SH3GL2: variants seen among roughly 807,000 people sequenced by gnomAD.
SH3GL2 encodes the protein endophilin-A1.
A neutral mutation model predicts 46.0 loss-of-function variants in SH3GL2; 24 were observed. The ratio of observed to expected loss-of-function variants is 0.52; its 90% CI spans 0.38 to 0.73. SH3GL2 has a LOEUF of 0.73. Among genes scored for constraint, SH3GL2 ranks in the 30% least tolerant of loss-of-function variants. The pLI is 0.00. For synonymous variants in SH3GL2, 196 were observed against 147.1 expected (o/e 1.33, Z -2.40); for missense variants, 413 against 424.2 (o/e 0.97, Z 0.23).
In SH3GL2 at chr9:17,638,227, G is replaced by T. The variant is rs147792059; in HGVS notation, c.45+58940G>T. Among the ~76,000 whole-genome samples, 613 of 151,884 alleles carry T rather than the reference G, an allele frequency of 4.0e-3. 2 individuals are homozygous for T. Among genetic ancestry groups the T allele is most frequent in the African/African-American group, 0.014 (590 of 41,436 alleles). ...GATGTTTTGCAAGATATCCTAGAGG[G>T]GCCCTTAAAAATTTATCATTTCTCA... On this transcript the variant is annotated intron_variant, in intron 1 of 8. Transcript: ENST00000380607.
chr9:17,788,516 C>G lies in SH3GL2; in HGVS notation c.466-876C>G, dbSNP rs184187544. On this transcript the variant is annotated intron_variant, in intron 5 of 8. Transcript: ENST00000380607. ...TACATACTAGTAACAAGGGAAAATC[C>G]AGGATTTTCCTTCATCCATTAGTAG... Among the ~76,000 whole-genome samples, 485 of 152,072 alleles carry G rather than the reference C, an allele frequency of 3.2e-3. 1 individual carries two copies. Among genetic ancestry groups the G allele is most frequent in the Admixed American group, 7.0e-3 (107 of 15,274 alleles).
At chr9:17,612,638 A>G (rs1379458713) in intron 1 of SH3GL2, among the ~76,000 whole-genome samples, 1 of 152,152 alleles carries the variant, frequency 6.6e-6, no homozygotes, top group Non-Finnish European at 1.5e-5. Flanking sequence ...GTGTGTTCTC[A>G]TTTTACTTGA....
chr9:17,659,373 TC>T (rs1820160795), intron 1 of SH3GL2, among the ~76,000 whole-genome samples: 4 of 152,164 alleles, frequency 2.6e-5, no homozygotes, highest in Non-Finnish European at 5.9e-5. Context: ...GCAGAGCCAT[TC>T]CTGAGAATGG....
chr9:17,791,814 C>T (rs1228091603), intron 7 of SH3GL2, among the ~76,000 whole-genome samples: 1 of 152,186 alleles, frequency 6.6e-6, no homozygotes, highest in Non-Finnish European at 1.5e-5. Flanking sequence ...GAGGCTGTTT[C>T]TTTTCACATC....
intron 2 of SH3GL2, among the ~76,000 whole-genome samples, chr9:17,751,470 T>TTGTTTGTGCGTGTGTGTG (rs1433444435): frequency 1.5e-3 from 196 of 133,008 alleles, no homozygotes; most frequent in African/African-American, 5.1e-3. Context: ...GTGTGTGTTT[T>TTGTTTGTGCGTGTGTGTG]TGTGTGTGCG....
At chr9:17,767,878 T>C (rs570926578) in intron 3 of SH3GL2, among the ~76,000 whole-genome samples, 1 of 152,318 alleles carries the variant, frequency 6.6e-6, no homozygotes, top group Admixed American at 6.5e-5. Context: ...ATGGGTGATA[T>C]AATTCATATA....
At chr9:17,679,059 G>C (rs1322059039) in intron 1 of SH3GL2, among the ~76,000 whole-genome samples, 1 of 152,108 alleles carries the variant, frequency 6.6e-6, no homozygotes, top group Non-Finnish European at 1.5e-5. Flanking sequence ...TTGAAGTCAG[G>C]TAGTGTGATG....
chr9:17,620,097 C>T (rs942506909), intron 1 of SH3GL2, among the ~76,000 whole-genome samples: 9 of 151,960 alleles, frequency 5.9e-5, no homozygotes, highest in African/African-American at 2.2e-4. Flanking sequence ...TCAAAAAATT[C>T]AATTTTAGAG....
At chr9:17,586,360 C>G (rs917915197) in intron 1 of SH3GL2, among the ~76,000 whole-genome samples, 1 of 152,108 alleles carries the variant, frequency 6.6e-6, no homozygotes, top group Non-Finnish European at 1.5e-5. Flanking sequence ...GCAGTGTTTT[C>G]TGCCTTTTTT....
chr9:17,606,136 A>C (rs1235807049), intron 1 of SH3GL2, among the ~76,000 whole-genome samples: 2 of 152,052 alleles, frequency 1.3e-5, no homozygotes, highest in Non-Finnish European at 2.9e-5. Flanking sequence ...TCTGTTGCCC[A>C]GGCTGGAGTG....
At chr9:17,710,732 TCCTA>T (rs1219468996) in intron 1 of SH3GL2, among the ~76,000 whole-genome samples, 4 of 151,902 alleles carry the variant, frequency 2.6e-5, no homozygotes, top group Non-Finnish European at 5.9e-5. Flanking sequence ...TTTTGACATA[TCCTA>T]CAATAGGGAT....
chr9:17,740,897 T>C (rs1302712942), intron 1 of SH3GL2, among the ~76,000 whole-genome samples: 1 of 152,118 alleles, frequency 6.6e-6, no homozygotes, highest in Non-Finnish European at 1.5e-5. Flanking sequence ...GGTGAAGAAA[T>C]TGAGGCAGCA....
intron 1 of SH3GL2, among the ~76,000 whole-genome samples, chr9:17,733,895 C>G (rs1822253197): frequency 6.6e-6 from 1 of 151,866 alleles, no homozygotes; most frequent in African/African-American, 2.4e-5. Flanking sequence ...ACTGCATATT[C>G]TCACTGATAG....
At chr9:17,710,197 T>C (rs1363717619) in intron 1 of SH3GL2, among the ~76,000 whole-genome samples, 1 of 151,968 alleles carries the variant, frequency 6.6e-6, no homozygotes, top group Non-Finnish European at 1.5e-5. Flanking sequence ...AAAAGAGGCT[T>C]TCCTCCCTTT....
At chr9:17,693,295 A>C (rs1821127538) in intron 1 of SH3GL2, among the ~76,000 whole-genome samples, 1 of 152,060 alleles carries the variant, frequency 6.6e-6, no homozygotes, top group South Asian at 2.1e-4. Context: ...CTCCAGTGGC[A>C]AGTACTTGAG....
At chr9:17,678,419 T>G (rs901019466) in intron 1 of SH3GL2, among the ~76,000 whole-genome samples, 1 of 152,354 alleles carries the variant, frequency 6.6e-6, no homozygotes, top group African/African-American at 2.4e-5. Flanking sequence ...GTTTTTTGGC[T>G]GCATAAATGT....
At chr9:17,630,697 T>G (rs1475370828) in intron 1 of SH3GL2, among the ~76,000 whole-genome samples, 1 of 152,214 alleles carries the variant, frequency 6.6e-6, no homozygotes, top group East Asian at 1.9e-4. Context: ...TTAAGGAAAT[T>G]ACTGCTACCT....
At chr9:17,751,738 G>A (rs926969844) in intron 2 of SH3GL2, among the ~76,000 whole-genome samples, 5 of 152,094 alleles carry the variant, frequency 3.3e-5, no homozygotes, top group Non-Finnish European at 5.9e-5. Context: ...GGGAGAGAAA[G>A]GAGTAGAGTT....
At chr9:17,681,253 A>G (rs985600362) in intron 1 of SH3GL2, among the ~76,000 whole-genome samples, 9 of 152,184 alleles carry the variant, frequency 5.9e-5, no homozygotes, top group African/African-American at 2.2e-4. Context: ...AACAATAACA[A>G]CAACAAAAGA....
Sources: allele counts gnomAD v4.1 joint callset (sites outside exome capture counted in the v4.1 genomes callset), GRCh38; gene constraint gnomAD v4.1.1; transcripts MANE v1.5; gene names NCBI Gene and HGNC (gene_info 2026-07-23, HGNC 2026-07-21).